Variants in SLC25A43 observed in about 807,000 individuals in gnomAD.
SLC25A43 encodes the protein solute carrier family 25, member 43.
In SLC25A43, 10 loss-of-function variants were observed where a neutral mutation model predicts 22.8. The ratio of observed to expected loss-of-function variants is 0.44; its 90% CI spans 0.27 to 0.74. SLC25A43 has a LOEUF of 0.74. Ranked by LOEUF, SLC25A43 falls within the 30% of genes least tolerant of loss-of-function variation. The pLI is 0.17. For missense variants in SLC25A43, 233 were observed against 279.1 expected (o/e 0.83, Z 1.18); for synonymous variants, 106 against 121.6 (o/e 0.87, Z 0.84).
chrX:119,426,158 A>G (rs1682091262), intron 3 of SLC25A43: 1 of 744,705 alleles, frequency 1.3e-6, no homozygotes, highest in Non-Finnish European at 1.6e-6. Flanking sequence ...GGAAGTACCA[A>G]TTTTCACCTC....
intron 3 of SLC25A43, chrX:119,423,566 A>C (rs2052475986): frequency 9.0e-6 from 1 of 110,979 alleles, no homozygotes; most frequent in Non-Finnish European, 1.9e-5. Context: ...AGGAAAAAAA[A>C]GAAAAACAAA....
Position 119,410,320 on chromosome X carries a change from G to C in SLC25A43, c.648G>C (p.Gln216His). 8.3e-7 allele frequency: 1 copy of C among 1,211,494 alleles called. No homozygotes were observed. Among genetic ancestry groups the C allele is most frequent in the South Asian group, 1.8e-5 (1 of 56,905 alleles). The change falls in exon 3 of 5, where the codon CAG (glutamine) becomes CAC (histidine). Residue 216 changes from glutamine (Q) to histidine (H), a missense_variant. By Grantham distance (24) the Gln-to-His change is conservative. Transcript: ENST00000217909. ...ANVCLAAAVTQTLSFPFETVK... is the reference protein window; with the variant it reads ...ANVCLAAAVTHTLSFPFETVK... ...TCTGTCTGGCTGCTGCAGTGACCCAGACCCTCTCCTTTCCCTTTGAGACCG... is the reference window on the plus strand; with the variant it reads ...TCTGTCTGGCTGCTGCAGTGACCCACACCCTCTCCTTTCCCTTTGAGACCG...
At chrX:119,405,595 CAAAAAAAAAA>C (rs56389948) in intron 1 of SLC25A43, among the ~76,000 whole-genome samples, 1,735 of 51,153 alleles carry the variant, frequency 0.034, 51 homozygotes, top group African/African-American at 0.12. Context: ...CCTATCTCTA[CAAAAAAAAAA>C]AAAAAAAAAA....
At chrX:119,407,549 T>C (rs1021409185) in intron 2 of SLC25A43, among the ~76,000 whole-genome samples, 6 of 111,299 alleles carry the variant, frequency 5.4e-5, no homozygotes, top group African/African-American at 2.0e-4. Flanking sequence ...GATGAGGAGA[T>C]AGATGCTTCA....
At chrX:119,447,360 C>T (rs2052676522) in intron 3 of SLC25A43, among the ~76,000 whole-genome samples, 1 of 111,573 alleles carries the variant, frequency 9.0e-6, no homozygotes, top group East Asian at 2.8e-4. Flanking sequence ...GGCTGGAGTA[C>T]AGTGGCACAA....
At chrX:119,413,211 C>T (rs1246993982) in intron 3 of SLC25A43, among the ~76,000 whole-genome samples, 5 of 110,879 alleles carry the variant, frequency 4.5e-5, no homozygotes, top group African/African-American at 1.6e-4. Context: ...AAGTAATACA[C>T]ATAAGTTGTA....
intron 3 of SLC25A43, among the ~76,000 whole-genome samples, chrX:119,450,263 G>T (rs1395341656): frequency 9.0e-6 from 1 of 111,359 alleles, no homozygotes; most frequent in East Asian, 2.8e-4. Flanking sequence ...GCCAAATATT[G>T]CCCCCTAAGA....
chrX:119,451,963 T>C, intron 3 of SLC25A43, 46 bp from the exon 4 acceptor site: 1 of 1,206,866 alleles, frequency 8.3e-7, no homozygotes, highest in Non-Finnish European at 1.1e-6. Flanking sequence ...GGACATTTAT[T>C]TCCTAATGTT....
At position 119,452,157 on chromosome X, in the gene SLC25A43, C is replaced by A; in HGVS notation, c.825+14C>A. 6 of 1,182,093 alleles carry A rather than the reference C, an allele frequency of 5.1e-6. No homozygotes were observed. Among genetic ancestry groups the A allele is most frequent in the Non-Finnish European group, 6.8e-6 (6 of 881,005 alleles). ...AATTTACTGAAGGTGAGAAGAGCCACCAGCCTCCGCTGCTCCCCTGCCTCT... is the reference window on the plus strand; with the variant it reads ...AATTTACTGAAGGTGAGAAGAGCCAACAGCCTCCGCTGCTCCCCTGCCTCT... On this transcript the variant is annotated intron_variant, in intron 4 of 4. Coordinates refer to ENST00000217909, the MANE Select transcript of SLC25A43 (RefSeq NM_145305.3).
intron 3 of SLC25A43, among the ~76,000 whole-genome samples, chrX:119,432,615 CCT>C (rs895622237): frequency 1.0e-4 from 11 of 109,328 alleles, no homozygotes. Flanking sequence ...ATCGTGAAAC[CCT>C]GTCTCTACTA....
intron 3 of SLC25A43, among the ~76,000 whole-genome samples, chrX:119,445,426 A>G (rs1420353841): frequency 8.9e-6 from 1 of 112,386 alleles, no homozygotes; most frequent in African/African-American, 3.2e-5. Context: ...CTAAAGTCTA[A>G]CTTGGACAAG....
At chrX:119,443,059 T>G (rs1449789010) in intron 3 of SLC25A43, among the ~76,000 whole-genome samples, 1 of 111,329 alleles carries the variant, frequency 9.0e-6, no homozygotes, top group African/African-American at 3.3e-5. Flanking sequence ...GAGGTCTCTT[T>G]GAAAGAGTTG....
chrX:119,451,137 T>C (rs2052703930), intron 3 of SLC25A43, among the ~76,000 whole-genome samples: 1 of 109,938 alleles, frequency 9.1e-6, no homozygotes, highest in Admixed American at 9.8e-5. Context: ...CACACCAGCC[T>C]GGGCAACAGA....
chrX:119,410,293 T>C lies in SLC25A43; in HGVS notation c.621T>C (p.Asn207=). Residue 207 remains asparagine, a synonymous_variant, in exon 3 of 5, where the codon AAT becomes AAC. Transcript: ENST00000217909. ...TCTCTCTCCCACAGAACTTTGCTAA[T>C]GTCTGTCTGGCTGCTGCAGTGACCC... ...DQFSLPQNFA[N]VCLAAAVTQT... 2 of 1,211,102 alleles carry C rather than the reference T, an allele frequency of 1.7e-6. No individual in the cohort carries two copies. The highest frequency in any genetic ancestry group is 2.2e-6 in the Non-Finnish European group (2 of 895,142).
intron 2 of SLC25A43, 51 bp from the exon 3 acceptor site, chrX:119,410,139 G>A (rs1211712478): frequency 1.7e-6 from 2 of 1,169,733 alleles, no homozygotes; most frequent in African/African-American, 3.6e-5. Flanking sequence ...ATGTTCTCAA[G>A]CCAGTGTTTT....
chrX:119,449,940 G>A (rs1271313810), intron 3 of SLC25A43, among the ~76,000 whole-genome samples: 3 of 111,065 alleles, frequency 2.7e-5, no homozygotes, highest in Non-Finnish European at 5.7e-5. Context: ...GCTTGGGGTA[G>A]CTTGTTAAAG....
intron 3 of SLC25A43, among the ~76,000 whole-genome samples, chrX:119,445,433 C>G: frequency 8.9e-6 from 1 of 112,226 alleles, no homozygotes; most frequent in Middle Eastern, 4.7e-3. Context: ...CTAACTTGGA[C>G]AAGATGACGA....
chrX:119,406,350 C>T (rs1271861089), intron 1 of SLC25A43, 110 bp from the exon 2 acceptor site: 1 of 936,642 alleles, frequency 1.1e-6, no homozygotes, highest in African/African-American at 2.0e-5. Flanking sequence ...AGTAACTTTT[C>T]ACTTTGTAAA....
intron 2 of SLC25A43, among the ~76,000 whole-genome samples, chrX:119,409,364 A>T (rs967184326): frequency 9.3e-6 from 1 of 107,828 alleles, no homozygotes; most frequent in Non-Finnish European, 1.9e-5. Flanking sequence ...TATTTTTAGT[A>T]GAGATGGAGT....
Sources: gnomAD v4.1 joint callset for allele counts (sites outside exome capture counted in the v4.1 genomes callset) on GRCh38, gnomAD v4.1.1 for gene constraint, MANE v1.5 for transcripts, NCBI Gene and HGNC (gene_info 2026-07-23, HGNC 2026-07-21) for gene names.